EEF1AKMT2: variants seen among roughly 807,000 people sequenced by gnomAD.
EEF1AKMT2 encodes EEF1A lysine methyltransferase 2.
A neutral mutation model predicts 35.8 loss-of-function variants in EEF1AKMT2; 32 were observed. That is an observed-to-expected ratio of 0.89 (90% CI 0.67 to 1.20). The LOEUF is 1.20. Among genes scored for constraint, EEF1AKMT2 ranks in the 50% most tolerant of loss-of-function variants. EEF1AKMT2 has a pLI of 0.00. For missense variants in EEF1AKMT2, 330 were observed against 347.5 expected (o/e 0.95, Z 0.40); for synonymous variants, 121 against 133.7 (o/e 0.91, Z 0.65).
In EEF1AKMT2 at chr10:124,790,348, C is replaced by T. The variant is rs1415987077; in HGVS notation, c.111-10G>A. The T allele has an allele frequency of 6.3e-7, 1 of 1,592,294 alleles. No individual in the cohort carries two copies. The highest frequency in any genetic ancestry group is 1.3e-5 in the African/African-American group (1 of 74,378). On this transcript the variant is annotated splice_polypyrimidine_tract_variant and intron_variant, in intron 1 of 6. Transcript: ENST00000368836. The stretch of plus-strand genomic sequence containing the variant: ...ATAGACAGCATCCCAACTATGTAAA[C>T]AATGAAATGCAAAGCAAGACTCTTG...
intron 4 of EEF1AKMT2, among the ~76,000 whole-genome samples, chr10:124,772,084 G>A (rs190541887): frequency 1.8e-3 from 278 of 152,254 alleles, no homozygotes; most frequent in Non-Finnish European, 2.4e-3. Flanking sequence ...AGAAGATCTA[G>A]CATAATTCTT....
At chr10:124,769,985 A>G (rs1270204226) in intron 4 of EEF1AKMT2, among the ~76,000 whole-genome samples, 1 of 146,184 alleles carries the variant, frequency 6.8e-6, no homozygotes, top group Admixed American at 6.9e-5. Flanking sequence ...GGTGCCTTAA[A>G]AAATACTTTA....
At chr10:124,775,070 G>A (rs1197492951) in intron 3 of EEF1AKMT2, among the ~76,000 whole-genome samples, 1 of 152,046 alleles carries the variant, frequency 6.6e-6, no homozygotes, top group Non-Finnish European at 1.5e-5. Flanking sequence ...GCAAAAAAAG[G>A]TAACATTAAC....
In EEF1AKMT2 at chr10:124,759,321, G is replaced by C. The variant is rs1950310933; in HGVS notation, c.*1182C>G. The C allele has an allele frequency of 6.6e-6, 1 of 152,126 alleles. No individual in the cohort carries two copies. The highest frequency in any genetic ancestry group is 1.5e-5 in the Non-Finnish European group (1 of 68,016). The allele number at this position is 152,126 out of a possible 1,614,324, so 9.4% of individuals were successfully genotyped here. ...TAACTTACACTACCCTTTCACAGAA[G>C]AATGACAAAATTCTTAATAGAGGCA... On this transcript the variant is annotated 3_prime_UTR_variant, in exon 7 of 7. Transcript: ENST00000368836.
rs961558821 is a variant in EEF1AKMT2 at position 124,762,469 on chromosome 10, C to A, written c.706G>T (p.Gly236Ter). ...GCATGATGATGTGTGCCTGTAGTTC[C>A]ACCTACTCGGGAGGCTGAAGTGGAA... ...IFSTSASRVG[G>*]TTGTHHHAWI... Residue 236 changes from glycine to a stop codon, truncating the protein, a stop_gained, in exon 6 of 7, where the codon GGA (glycine) becomes TGA (stop). Transcript: ENST00000368836. LOFTEE classifies it high-confidence loss of function. 5 of 1,297,488 alleles carry A rather than the reference C, an allele frequency of 3.9e-6. No individual in the cohort carries two copies. The African/African-American group carries it at 6.1e-5, about 16-fold the overall frequency. 80.4% of individuals were successfully genotyped at this position (1,297,488 alleles called of 1,614,324 possible).
intron 3 of EEF1AKMT2, among the ~76,000 whole-genome samples, chr10:124,788,710 T>TTATATATA (rs146577563): frequency 0.011 from 1,003 of 92,544 alleles, 59 homozygotes; most frequent in African/African-American, 0.03. Flanking sequence ...AAGGTCATCT[T>TTATATATA]TATATATATA....
chr10:124,790,605 CAA>C (rs979919271), intron 1 of EEF1AKMT2, among the ~76,000 whole-genome samples: 2 of 152,116 alleles, frequency 1.3e-5, no homozygotes, highest in Non-Finnish European at 2.9e-5. Context: ...TAAAAAAACA[CAA>C]AGACATTTGT....
intron 4 of EEF1AKMT2, among the ~76,000 whole-genome samples, chr10:124,770,571 T>C (rs915158137): frequency 3.3e-5 from 5 of 152,226 alleles, no homozygotes; most frequent in African/African-American, 7.2e-5. Context: ...GGGGTAGCTG[T>C]GAAAATTTCC....
intron 5 of EEF1AKMT2, among the ~76,000 whole-genome samples, 183 bp from the exon 6 acceptor site, chr10:124,762,741 A>G (rs1950343325): frequency 6.6e-6 from 1 of 152,226 alleles, no homozygotes; most frequent in South Asian, 2.1e-4. Flanking sequence ...ACTTTTCCAA[A>G]TTATGACATT....
At chr10:124,785,770 C>A (rs940450536) in intron 3 of EEF1AKMT2, among the ~76,000 whole-genome samples, 4 of 151,944 alleles carry the variant, frequency 2.6e-5, no homozygotes, top group African/African-American at 9.7e-5. Context: ...CTGGCGCGCA[C>A]CTGTAATCCC....
At chr10:124,785,833 T>C (rs534324913) in intron 3 of EEF1AKMT2, among the ~76,000 whole-genome samples, 73 of 144,898 alleles carry the variant, frequency 5.0e-4, no homozygotes, top group African/African-American at 1.8e-3. Flanking sequence ...CAGGTGGAGG[T>C]TGCAGTGAGC....
chr10:124,764,283 T>C (rs1950358098), intron 5 of EEF1AKMT2, among the ~76,000 whole-genome samples: 1 of 138,174 alleles, frequency 7.2e-6, no homozygotes, highest in Non-Finnish European at 1.5e-5. Flanking sequence ...ATTTATCCTA[T>C]CCTTTAAAAA....
intron 3 of EEF1AKMT2, among the ~76,000 whole-genome samples, chr10:124,776,363 A>G (rs1950487132): frequency 6.6e-6 from 1 of 152,146 alleles, no homozygotes; most frequent in Non-Finnish European, 1.5e-5. Flanking sequence ...CCAAGGGGAG[A>G]AATTGACTTT....
chr10:124,757,689 T>A (rs1224637060), downstream of EEF1AKMT2: 9 of 151,998 alleles, frequency 5.9e-5, no homozygotes, highest in Non-Finnish European at 1.2e-4. Flanking sequence ...CTAAAAGTCT[T>A]TTGTATATAC....
intron 3 of EEF1AKMT2, among the ~76,000 whole-genome samples, chr10:124,779,702 T>G (rs1158830946): frequency 8.8e-6 from 1 of 114,192 alleles, no homozygotes; most frequent in African/African-American, 3.3e-5. Context: ...GAGCCAAGAC[T>G]GCACCACTGC....
chr10:124,778,059 C>T (rs1344959401), intron 3 of EEF1AKMT2, among the ~76,000 whole-genome samples: 3 of 151,758 alleles, frequency 2.0e-5, no homozygotes, highest in Non-Finnish European at 2.9e-5. Context: ...GGCGTGGTGG[C>T]GGGTGCCTGT....
chr10:124,757,610 TACC>T (rs1160114634), downstream of EEF1AKMT2, among the ~76,000 whole-genome samples: 6 of 152,048 alleles, frequency 3.9e-5, no homozygotes, highest in African/African-American at 1.2e-4. Context: ...CAACATACAG[TACC>T]ACATTACAGT....
At chr10:124,767,716 T>C (rs1476710493) in intron 4 of EEF1AKMT2, among the ~76,000 whole-genome samples, 1 of 152,184 alleles carries the variant, frequency 6.6e-6, no homozygotes, top group Non-Finnish European at 1.5e-5. Context: ...CCAGGCATAG[T>C]GGCTCACACC....
chr10:124,760,564 T>A, intron 6 of EEF1AKMT2, 61 bp from the exon 7 acceptor site: 4 of 1,240,256 alleles, frequency 3.2e-6, no homozygotes, highest in South Asian at 1.2e-5. Context: ...CATGTATTTA[T>A]ATGCATGCAT....
Sources: allele counts gnomAD v4.1 joint callset (sites outside exome capture counted in the v4.1 genomes callset), GRCh38; gene constraint gnomAD v4.1.1; transcripts MANE v1.5; gene names NCBI Gene and HGNC (gene_info 2026-07-23, HGNC 2026-07-21).